MACROD2: variants seen among roughly 807,000 people sequenced by gnomAD.
The protein encoded by MACROD2 is ADP-ribose glycohydrolase MACROD2.
In MACROD2, 36 loss-of-function variants were observed where a neutral mutation model predicts 70.4. That is an observed-to-expected ratio of 0.51 (90% confidence interval 0.39 to 0.68). The LOEUF (loss-of-function observed/expected upper bound fraction) is 0.68, where lower values mean the gene tolerates loss of function less well. Ranked by LOEUF, MACROD2 falls within the 30% of genes least tolerant of loss-of-function variation. The pLI is 0.00. For missense variants in MACROD2, 496 were observed against 538.4 expected, an observed-to-expected ratio of 0.92 and a Z score of 0.78; for synonymous variants, 172 against 178.8, an observed-to-expected ratio of 0.96 and a Z score of 0.30.
intron 3 of MACROD2, among the ~76,000 whole-genome samples, chr20:14,370,468 T>G (rs2083311735): frequency 6.6e-6 from 1 of 152,178 alleles, no homozygotes. Context: ...TGTTTTGTTT[T>G]AAGAGAAGAA....
At chr20:14,358,060 A>G (rs920810126) in intron 3 of MACROD2, among the ~76,000 whole-genome samples, 2 of 152,230 alleles carry the variant, frequency 1.3e-5, no homozygotes, top group African/African-American at 4.8e-5. Context: ...CAAATGGGAA[A>G]ATTGTTCATT....
intron 5 of MACROD2, among the ~76,000 whole-genome samples, chr20:15,224,515 TG>T (rs2076888543): frequency 6.6e-6 from 1 of 152,224 alleles, no homozygotes; most frequent in Non-Finnish European, 1.5e-5. Flanking sequence ...TCTGTCTCTC[TG>T]GGTTGCTTGA....
chr20:14,629,337 A>G lies in MACROD2; in HGVS notation c.302-55506A>G, dbSNP rs372470081. 4.6e-5 allele frequency among the ~76,000 whole-genome samples: 7 copies of G among 152,346 alleles called. No homozygotes were observed. The East Asian group carries it at 9.6e-4, about 21-fold the overall frequency. On this transcript the variant is annotated intron_variant, in intron 4 of 17. Coordinates refer to ENST00000684519, the MANE Select transcript of MACROD2 (RefSeq NM_001351661.2). ...TTAAATAAATCAGATTTTAAACAAA[A>G]ATGGAATAATCCCTCAAATGTAATT... is the stretch of plus-strand genomic sequence containing the variant.
At chr20:15,273,800 C>T (rs1214274803) in intron 6 of MACROD2, among the ~76,000 whole-genome samples, 1 of 152,154 alleles carries the variant, frequency 6.6e-6, no homozygotes. Context: ...AAAAAGTATG[C>T]TCCAATTCTG....
chr20:14,373,757 A>G (rs1031043474), intron 3 of MACROD2, among the ~76,000 whole-genome samples: 24 of 152,108 alleles, frequency 1.6e-4, no homozygotes, highest in Non-Finnish European at 7.4e-5. Flanking sequence ...GCGAGAGTAC[A>G]CCTAAATACA....
chr20:14,167,674 C>A (rs1468837395), intron 3 of MACROD2, among the ~76,000 whole-genome samples: 2 of 152,040 alleles, frequency 1.3e-5, no homozygotes. Flanking sequence ...CAGGCGTGAG[C>A]CACCGCACAC....
chr20:14,100,135 C>T (rs1042722028), intron 3 of MACROD2, among the ~76,000 whole-genome samples: 6 of 151,822 alleles, frequency 4.0e-5, no homozygotes, highest in South Asian at 2.1e-4. Context: ...ATTATTACTA[C>T]TATCACTGTT....
At chr20:14,561,696 C>G (rs1416313425) in intron 4 of MACROD2, among the ~76,000 whole-genome samples, 3 of 151,696 alleles carry the variant, frequency 2.0e-5, no homozygotes, top group African/African-American at 7.3e-5. Flanking sequence ...AGAAACACCA[C>G]AACAATTTAA....
intron 3 of MACROD2, among the ~76,000 whole-genome samples, chr20:14,167,852 C>G (rs1358235145): frequency 6.6e-6 from 1 of 151,952 alleles, no homozygotes; most frequent in Non-Finnish European, 1.5e-5. Flanking sequence ...GTGCCAAGAA[C>G]AAGTCTTAGG....
chr20:15,188,240 A>G (rs2076546443), intron 5 of MACROD2, among the ~76,000 whole-genome samples: 1 of 152,148 alleles, frequency 6.6e-6, no homozygotes, highest in Non-Finnish European at 1.5e-5. Flanking sequence ...ATCAAAGTTT[A>G]TTTTCCTTCA....
intron 4 of MACROD2, among the ~76,000 whole-genome samples, chr20:14,513,663 A>G (rs2085054838): frequency 6.6e-6 from 1 of 152,122 alleles, no homozygotes; most frequent in Non-Finnish European, 1.5e-5. Flanking sequence ...GTAAGAATAC[A>G]TAAAAAAACT....
chr20:15,853,692 G>A (rs1298287013), intron 8 of MACROD2, among the ~76,000 whole-genome samples: 4 of 152,122 alleles, frequency 2.6e-5, no homozygotes, highest in Admixed American at 2.6e-4. Flanking sequence ...TACCACCAAT[G>A]AAAAGGAGTT....
intron 4 of MACROD2, among the ~76,000 whole-genome samples, chr20:14,581,574 T>C (rs1981021503): frequency 6.6e-6 from 1 of 152,218 alleles, no homozygotes; most frequent in African/African-American, 2.4e-5. Flanking sequence ...AAGGCCATCA[T>C]TTAGGATTTA....
At chr20:15,603,792 TTC>T (rs2048856938) in intron 8 of MACROD2, among the ~76,000 whole-genome samples, 1 of 152,164 alleles carries the variant, frequency 6.6e-6, no homozygotes, top group African/African-American at 2.4e-5. Context: ...GCAAAGATTA[TTC>T]ATGTTCAACC....
chr20:15,665,676 A>T (rs2049887064), intron 8 of MACROD2, among the ~76,000 whole-genome samples: 2 of 152,236 alleles, frequency 1.3e-5, no homozygotes, highest in South Asian at 4.1e-4. Context: ...AGAGGAGAAA[A>T]GAGGCCATGG....
intron 7 of MACROD2, among the ~76,000 whole-genome samples, chr20:15,479,421 C>T (rs1440083729): frequency 3.3e-5 from 5 of 151,264 alleles, no homozygotes; most frequent in African/African-American, 7.3e-5. Context: ...TACAGGCGCC[C>T]GCCACTACGC....
At chr20:16,044,501 G>A (rs112965019) in intron 16 of MACROD2, 70 bp from the exon 17 acceptor site, 1 of 1,284,480 alleles carries the variant, frequency 7.8e-7, no homozygotes, top group South Asian at 1.3e-5. Flanking sequence ...TCAAATCATG[G>A]GTCATTTTAA....
intron 15 of MACROD2, among the ~76,000 whole-genome samples, chr20:16,032,348 G>C (rs553305743): frequency 6.6e-6 from 1 of 152,084 alleles, no homozygotes; most frequent in African/African-American, 2.4e-5. Flanking sequence ...TCAGCGTCAT[G>C]CAATATTCCC....
At chr20:15,988,656 A>C (rs2066518395) in intron 15 of MACROD2, among the ~76,000 whole-genome samples, 1 of 152,098 alleles carries the variant, frequency 6.6e-6, no homozygotes. Flanking sequence ...ATAATGGTGG[A>C]ATAGCATGTG....
Sources: gnomAD v4.1 joint callset for allele counts (sites outside exome capture counted in the v4.1 genomes callset) on GRCh38, gnomAD v4.1.1 for gene constraint, MANE v1.5 for transcripts, NCBI Gene and HGNC (gene_info 2026-07-23, HGNC 2026-07-21) for gene names.